Variants in SHANK2 observed in about 807,000 individuals in gnomAD.
The protein encoded by SHANK2 is SH3 and multiple ankyrin repeat domains 2, also known as SH3 and multiple ankyrin repeat domains protein 2.
A neutral mutation model predicts 133.7 loss-of-function variants in SHANK2; 43 were observed. That is an observed-to-expected ratio of 0.32 (90% confidence interval 0.25 to 0.41). The LOEUF (loss-of-function observed/expected upper bound fraction) is 0.41. Ranked by LOEUF, SHANK2 falls within the 10% of genes least tolerant of loss-of-function variation. SHANK2 has a pLI of 1.00. For missense variants in SHANK2, 1,994 were observed against 2,235.8 expected (o/e 0.89, Z 2.18); for synonymous variants, 1,017 against 952.8 (o/e 1.07, Z -1.24).
intron 2 of SHANK2, among the ~76,000 whole-genome samples, chr11:71,197,958 C>T (rs1384013997): frequency 1.3e-5 from 2 of 152,300 alleles, no homozygotes; most frequent in African/African-American, 4.8e-5. Flanking sequence ...CAAACTCCAG[C>T]GTCAGAGAAG....
At chr11:70,561,433 C>T (rs2509213) in intron 17 of SHANK2, among the ~76,000 whole-genome samples, 1 of 152,050 alleles carries the variant, frequency 6.6e-6, no homozygotes, top group East Asian at 1.9e-4. Context: ...ATTTTCTCGA[C>T]GTTGCCAAAG....
chr11:71,101,032 C>T (rs1555096558), intron 6 of SHANK2, among the ~76,000 whole-genome samples: 1 of 152,110 alleles, frequency 6.6e-6, no homozygotes, highest in East Asian at 1.9e-4. Flanking sequence ...GGACAAGATG[C>T]ATCTGTCCAA....
At chr11:70,702,394 C>T (rs1047237421) in intron 14 of SHANK2, among the ~76,000 whole-genome samples, 3 of 151,290 alleles carry the variant, frequency 2.0e-5, no homozygotes, top group Non-Finnish European at 2.9e-5. Flanking sequence ...ACCATCATCA[C>T]CACCATCCTC....
chr11:71,130,624 G>A (rs781985945), intron 3 of SHANK2, among the ~76,000 whole-genome samples: 1 of 152,156 alleles, frequency 6.6e-6, no homozygotes, highest in Admixed American at 6.6e-5. Flanking sequence ...CATGAGGCTT[G>A]GATTACACAG....
At chr11:70,713,514 G>A (rs189207920) in intron 14 of SHANK2, among the ~76,000 whole-genome samples, 60 of 152,358 alleles carry the variant, frequency 3.9e-4, no homozygotes, top group Non-Finnish European at 4.0e-4. Context: ...ACGGAGCCGA[G>A]GGGGAGGCTC....
chr11:70,764,206 C>A (rs1195061418), intron 14 of SHANK2, among the ~76,000 whole-genome samples: 1 of 147,016 alleles, frequency 6.8e-6, no homozygotes, highest in Non-Finnish European at 1.5e-5. Context: ...ACCCATGCAT[C>A]CACATATCCA....
At chr11:70,527,901 G>A (rs1424400864) in intron 17 of SHANK2, among the ~76,000 whole-genome samples, 1 of 152,196 alleles carries the variant, frequency 6.6e-6, no homozygotes, top group East Asian at 1.9e-4. Context: ...CTCCTTCACC[G>A]GGCGACCCAG....
intron 11 of SHANK2, among the ~76,000 whole-genome samples, chr11:70,889,682 G>A (rs1388303958): frequency 6.6e-6 from 1 of 152,194 alleles, no homozygotes; most frequent in African/African-American, 2.4e-5. Context: ...TTCCCCAAGG[G>A]ACTCAGATGC....
At chr11:71,221,757 C>T (rs1229262936) in intron 2 of SHANK2, among the ~76,000 whole-genome samples, 2 of 152,110 alleles carry the variant, frequency 1.3e-5, no homozygotes, top group African/African-American at 2.4e-5. Context: ...TTTTTCTGAG[C>T]AGCAAGGGGA....
chr11:71,175,554 GAGAGAGAGAGA>G lies in SHANK2; in HGVS notation c.-12-28227_-12-28217del, dbSNP rs1953420370. 1.9e-5 allele frequency among the ~76,000 whole-genome samples: 1 copy of G among 53,282 alleles called. No individual in the cohort carries two copies. The allele number at this position is 53,282 out of a possible 152,430, so 35.0% of individuals were successfully genotyped here. ...ACAGACAGAGGGAGAGGGAGAGGGA[GAGAGAGAGAGA>G]GAGAGAGAGAGAGAGAGAGAGAGAG... On this transcript the variant is annotated intron_variant, in intron 2 of 25. Coordinates refer to ENST00000601538, the MANE Select transcript of SHANK2 (RefSeq NM_012309.5). The surrounding 1 kb of genome is among the most constrained non-coding windows in gnomAD (Gnocchi z 4.2).
chr11:70,851,154 C>T (rs1232564071), intron 11 of SHANK2, among the ~76,000 whole-genome samples: 1 of 150,560 alleles, frequency 6.6e-6, no homozygotes, highest in Non-Finnish European at 1.5e-5. Context: ...GAGCCCTTAA[C>T]TCTCAGATCC....
chr11:70,659,921 T>G lies in SHANK2; in HGVS notation c.1968A>C (p.Thr656=). Residue 656 remains threonine (T), a synonymous_variant, in exon 17 of 26, where the codon ACA becomes ACC. Coordinates refer to ENST00000601538, the MANE Select transcript of SHANK2 (RefSeq NM_012309.5). ...ADTPIEEFTP[T]PAFPALQYLE... ...GGTACTGTAGGGCTGGGAAAGCCGG[T>G]GTTGGTGTGAATTCTTCAATGGGTG... The G allele has an allele frequency of 6.2e-7, 1 of 1,614,062 alleles. No homozygotes were observed. Among genetic ancestry groups the G allele is most frequent in the Middle Eastern group, 1.7e-4 (1 of 6,060 alleles).
chr11:70,809,395 C>T (rs782267575), intron 12 of SHANK2, among the ~76,000 whole-genome samples: 4 of 152,200 alleles, frequency 2.6e-5, no homozygotes, highest in South Asian at 2.1e-4. Flanking sequence ...GTTCTAGAAG[C>T]GGATGTGACT....
chr11:71,139,541 C>A (rs1414329661), intron 3 of SHANK2, among the ~76,000 whole-genome samples: 8 of 152,000 alleles, frequency 5.3e-5, no homozygotes, highest in Non-Finnish European at 1.0e-4. Flanking sequence ...AAAAGAAAAA[C>A]CACTTTGGGC....
chr11:70,790,123 C>A (rs1947756699), intron 14 of SHANK2, among the ~76,000 whole-genome samples: 1 of 152,252 alleles, frequency 6.6e-6, no homozygotes, highest in Non-Finnish European at 1.5e-5. Context: ...AGTCAAGATA[C>A]ATCAACAGGG....
At chr11:71,157,174 A>T (rs1204362927) in intron 2 of SHANK2, among the ~76,000 whole-genome samples, 8 of 152,216 alleles carry the variant, frequency 5.3e-5, no homozygotes, top group Admixed American at 1.3e-4. Context: ...GGAACTCTGC[A>T]ATGGTTCTCT....
At chr11:70,669,810 G>A (rs1944760936) in intron 15 of SHANK2, among the ~76,000 whole-genome samples, 1 of 152,218 alleles carries the variant, frequency 6.6e-6, no homozygotes, top group African/African-American at 2.4e-5. Flanking sequence ...CCACTCGGAG[G>A]GCAGGTGTTC....
intron 3 of SHANK2, among the ~76,000 whole-genome samples, chr11:71,143,775 T>C (rs1952597479): frequency 6.6e-6 from 1 of 151,596 alleles, no homozygotes; most frequent in Non-Finnish European, 1.5e-5. Context: ...GCAACATACA[T>C]AAAGTAAGAT....
intron 3 of SHANK2, among the ~76,000 whole-genome samples, chr11:71,141,924 G>A (rs548120350): frequency 6.6e-6 from 1 of 152,082 alleles, no homozygotes; most frequent in Non-Finnish European, 1.5e-5. Context: ...GACACAAAAT[G>A]AACCACAGCA....
Sources: allele counts gnomAD v4.1 joint callset (sites outside exome capture counted in the v4.1 genomes callset), GRCh38; gene constraint gnomAD v4.1.1; non-coding constraint Gnocchi (gnomAD v3.1); transcripts MANE v1.5; gene names NCBI Gene and HGNC (gene_info 2026-07-23, HGNC 2026-07-21).